The following UTRN variants were observed in gnomAD, a reference collection of about 807,000 sequenced individuals.
UTRN encodes the protein dystrophin-related protein 1.
UTRN carries 283 observed loss-of-function variants against 463.9 expected under a neutral mutation model. The observed-to-expected ratio is 0.61, with a 90% CI of 0.55 to 0.67. The LOEUF (loss-of-function observed/expected upper bound fraction) is 0.67, where lower values mean the gene tolerates loss of function less well. Among genes scored for constraint, UTRN ranks in the 30% least tolerant of loss-of-function variants. The probability of loss-of-function intolerance (pLI) is 0.00; values close to 1 mark genes in which losing one functional copy is unlikely to be tolerated. For missense variants in UTRN, 3,922 were observed against 4,084.3 expected, an observed-to-expected ratio of 0.96 and a Z score of 1.08; for synonymous variants, 1,442 against 1,431.5, an observed-to-expected ratio of 1.01 and a Z score of -0.17.
rs1017986686 is a variant in UTRN, at chr6:144,429,452, G to T, written c.695-129G>T. 1.3e-5 allele frequency: 9 copies of T among 716,236 alleles called. No homozygotes were observed. In the Admixed American group the frequency reaches 2.4e-4, roughly 19 times the overall value. 44.4% of individuals were successfully genotyped at this position (716,236 alleles called of 1,614,324 possible). ...TATATTATGAAGTGGCAATTTACTGGTATTGCAAAGATTATATATTAGGTA... is the reference window on the plus strand; with the variant it reads ...TATATTATGAAGTGGCAATTTACTGTTATTGCAAAGATTATATATTAGGTA... On this transcript the variant is annotated intron_variant, in intron 8 of 74. Coordinates refer to ENST00000367545, the MANE Select transcript of UTRN (RefSeq NM_007124.3).
At chr6:144,376,966 A>G (rs1346945780) in intron 2 of UTRN, among the ~76,000 whole-genome samples, 1 of 152,190 alleles carries the variant, frequency 6.6e-6, no homozygotes, top group East Asian at 1.9e-4. Context: ...GTCACAATAA[A>G]TGGAGTGACC....
chr6:144,743,092 A>G (rs978148726), intron 54 of UTRN, among the ~76,000 whole-genome samples: 1 of 152,240 alleles, frequency 6.6e-6, no homozygotes, highest in Non-Finnish European at 1.5e-5. Context: ...GAATGTTCTC[A>G]ATAAAGAGGA....
At chr6:144,381,625 C>G (rs1416061323) in intron 2 of UTRN, among the ~76,000 whole-genome samples, 1 of 152,166 alleles carries the variant, frequency 6.6e-6, no homozygotes, top group East Asian at 1.9e-4. Flanking sequence ...CCATGCTGTT[C>G]TTGTGATAGT....
intron 54 of UTRN, among the ~76,000 whole-genome samples, chr6:144,747,177 T>C (rs965740978): frequency 6.6e-6 from 1 of 152,212 alleles, no homozygotes; most frequent in Non-Finnish European, 1.5e-5. Flanking sequence ...ATTGCTAATG[T>C]GATGTGTACT....
chr6:144,347,837 G>GTTTTTTTTTTGTTTTTTTTTTT (rs1777720200), intron 2 of UTRN, among the ~76,000 whole-genome samples: 1 of 128,902 alleles, frequency 7.8e-6, no homozygotes, highest in African/African-American at 3.4e-5. Flanking sequence ...CTTATTCTTT[G>GTTTTTTTTTTGTTTTTTTTTTT]TTTTTTTTTT....
At chr6:144,623,773 A>G (rs1775674822) in intron 51 of UTRN, among the ~76,000 whole-genome samples, 1 of 152,200 alleles carries the variant, frequency 6.6e-6, no homozygotes, top group Admixed American at 6.5e-5. Context: ...TTCATTCAAC[A>G]ACAGGTTCTA....
chr6:144,619,660 G>A lies in UTRN; in HGVS notation c.7479+42372G>A, dbSNP rs75757257. Among the ~76,000 whole-genome samples the A allele has an allele frequency of 4.1e-3, 620 of 152,294 alleles. 4 individuals are homozygous for A. The highest frequency in any genetic ancestry group is 0.014 in the African/African-American group (581 of 41,568). ...GGAATTTGGTTGGGTTTGTCAAAAT[G>A]TGTCAAAAATGTGAAATATCCCAGT... On this transcript the variant is annotated intron_variant, in intron 51 of 74. Coordinates refer to ENST00000367545, the MANE Select transcript of UTRN (RefSeq NM_007124.3).
At chr6:144,685,419 A>G (rs138278056) in intron 52 of UTRN, among the ~76,000 whole-genome samples, 101 of 152,260 alleles carry the variant, frequency 6.6e-4, no homozygotes, top group Admixed American at 1.5e-3. Flanking sequence ...TAGATCACAT[A>G]GTGGATGTAC....
At chr6:144,456,482 G>A (rs1472073832) in intron 19 of UTRN, among the ~76,000 whole-genome samples, 5 of 151,756 alleles carry the variant, frequency 3.3e-5, no homozygotes, top group Non-Finnish European at 7.4e-5. Flanking sequence ...GTGAAACCTC[G>A]TCTCTACTAA....
At chr6:144,805,241 T>C (rs927511535) in intron 65 of UTRN, among the ~76,000 whole-genome samples, 1 of 152,122 alleles carries the variant, frequency 6.6e-6, no homozygotes, top group Non-Finnish European at 1.5e-5. Context: ...AAGATAAGAT[T>C]GTGGACTTCC....
chr6:144,473,399 T>A (rs1255135846), intron 23 of UTRN, among the ~76,000 whole-genome samples: 1 of 152,256 alleles, frequency 6.6e-6, no homozygotes, highest in Non-Finnish European at 1.5e-5. Flanking sequence ...AAATATTTTA[T>A]AGCTGATAAA....
At chr6:144,704,275 T>C (rs1352325780) in intron 53 of UTRN, among the ~76,000 whole-genome samples, 1 of 152,222 alleles carries the variant, frequency 6.6e-6, no homozygotes, top group Non-Finnish European at 1.5e-5. Context: ...AGCCACCTTT[T>C]TCACCCTATC....
At chr6:144,832,129 A>C (rs77539503) in intron 69 of UTRN, among the ~76,000 whole-genome samples, 1 of 152,142 alleles carries the variant, frequency 6.6e-6, no homozygotes, top group Non-Finnish European at 1.5e-5. Context: ...TTGATGTTTA[A>C]TGTCCCTGAT....
intron 51 of UTRN, among the ~76,000 whole-genome samples, chr6:144,669,403 A>C (rs1425818704): frequency 6.6e-6 from 1 of 152,192 alleles, no homozygotes; most frequent in Non-Finnish European, 1.5e-5. Flanking sequence ...TATGCCAATT[A>C]AAGTATGTAC....
intron 2 of UTRN, among the ~76,000 whole-genome samples, chr6:144,330,187 G>A (rs1002258141): frequency 6.6e-6 from 1 of 152,220 alleles, no homozygotes; most frequent in Non-Finnish European, 1.5e-5. Context: ...GCAGAGCTGT[G>A]TGCAGGCTCT....
At chr6:144,607,308 A>C (rs1316114726) in intron 51 of UTRN, among the ~76,000 whole-genome samples, 1 of 152,044 alleles carries the variant, frequency 6.6e-6, no homozygotes, top group Admixed American at 6.6e-5. Context: ...CCAGTTTGGA[A>C]AATTCTGCAA....
chr6:144,779,948 TA>T (rs35161598), intron 60 of UTRN, among the ~76,000 whole-genome samples: 34,950 of 146,152 alleles, frequency 0.24, 5,931 homozygotes, highest in African/African-American at 0.45. Context: ...TTTATCTCTT[TA>T]AAAAAAAAAA....
chr6:144,639,717 AG>A (rs1188234368), intron 51 of UTRN, among the ~76,000 whole-genome samples: 1 of 150,944 alleles, frequency 6.6e-6, no homozygotes, highest in African/African-American at 2.4e-5. Flanking sequence ...TTTTATTTTC[AG>A]TATTTTTTTG....
At chr6:144,683,258 G>C (rs1782391971) in intron 52 of UTRN, among the ~76,000 whole-genome samples, 1 of 152,158 alleles carries the variant, frequency 6.6e-6, no homozygotes, top group Non-Finnish European at 1.5e-5. Flanking sequence ...AAAGAACTCA[G>C]TATCTTCATG....
Sources: allele counts gnomAD v4.1 joint callset (sites outside exome capture counted in the v4.1 genomes callset), GRCh38; gene constraint gnomAD v4.1.1; transcripts MANE v1.5; gene names NCBI Gene and HGNC (gene_info 2026-07-23, HGNC 2026-07-21).